RCSD1: variants seen among roughly 807,000 people sequenced by gnomAD.
RCSD1 encodes the protein capZ-interacting protein.
A neutral mutation model predicts 42.5 loss-of-function variants in RCSD1; 26 were observed. That is an observed-to-expected ratio of 0.61 (90% confidence interval 0.45 to 0.85). The LOEUF (loss-of-function observed/expected upper bound fraction) is 0.85, where lower values mean the gene tolerates loss of function less well. Ranked by LOEUF, RCSD1 falls within the 40% of genes least tolerant of loss-of-function variation. RCSD1 has a pLI of 0.00. For synonymous variants in RCSD1, 220 were observed against 212.2 expected (o/e 1.04, Z -0.32); for missense variants, 571 against 528.3 (o/e 1.08, Z -0.79).
At chr1:167,634,247 T>A (rs1351788265) in intron 1 of RCSD1, among the ~76,000 whole-genome samples, 1 of 152,340 alleles carries the variant, frequency 6.6e-6, no homozygotes, top group Non-Finnish European at 1.5e-5. Context: ...GAACTGGAAC[T>A]GTCAGCCTCC....
chr1:167,630,689 G>A, intron 1 of RCSD1: 1 of 182,696 alleles, frequency 5.5e-6, no homozygotes. Flanking sequence ...CTTTCCTAGA[G>A]GCCCGGGTAT....
At chr1:167,690,850 A>G (rs76454901) in intron 4 of RCSD1, among the ~76,000 whole-genome samples, 1,790 of 152,140 alleles carry the variant, frequency 0.012, 34 homozygotes, top group African/African-American at 0.042. Context: ...CAAATTTGTT[A>G]TTTGGGAAGT....
rs1659439380 is a variant in RCSD1, at chr1:167,694,086, C to T, written c.271-13C>T. On this transcript the variant is annotated splice_polypyrimidine_tract_variant and intron_variant, in intron 4 of 6. Transcript: ENST00000367854. ...CCTAGTCCTATTTGAAATTGTTCAT[C>T]TTTTCTTGACAGGCCAATTTAACCT... 3 of 1,613,680 alleles carry T rather than the reference C, an allele frequency of 1.9e-6. No homozygotes were observed. Among genetic ancestry groups the T allele is most frequent in the African/African-American group, 2.7e-5 (2 of 74,902 alleles).
rs1015727771 is a variant in RCSD1 at position 167,707,948 on chromosome 1, G to A, written c.*3252G>A. ...TGGCCTCTAGTGATCTGCCTGCCTC[G>A]GTCTCCCAAAGTGGGATTACAGGCA... On this transcript the variant is annotated 3_prime_UTR_variant, in exon 7 of 7. Coordinates refer to ENST00000367854, the MANE Select transcript of RCSD1 (RefSeq NM_052862.4). Among the ~76,000 whole-genome samples the A allele has an allele frequency of 1.3e-5, 2 of 152,072 alleles. No individual in the cohort carries two copies. Among genetic ancestry groups the A allele is most frequent in the South Asian group, 2.1e-4 (1 of 4,830 alleles).
At chr1:167,682,458 ATGTCCGGCC>A (rs1465922233) in intron 1 of RCSD1, among the ~76,000 whole-genome samples, 4 of 152,152 alleles carry the variant, frequency 2.6e-5, no homozygotes. Flanking sequence ...GTGAGCCACC[ATGTCCGGCC>A]TGTCAAAGCC....
intron 1 of RCSD1, among the ~76,000 whole-genome samples, chr1:167,642,353 C>G (rs1299764699): frequency 6.6e-6 from 1 of 152,116 alleles, no homozygotes; most frequent in African/African-American, 2.4e-5. Context: ...AGGGCTCATT[C>G]GCTTGAGTCT....
chr1:167,678,574 G>A (rs1659005475), intron 1 of RCSD1, among the ~76,000 whole-genome samples: 1 of 151,918 alleles, frequency 6.6e-6, no homozygotes, highest in Non-Finnish European at 1.5e-5. Flanking sequence ...GTTCACTCCC[G>A]CACCCAATCT....
At chr1:167,682,865 C>T (rs1378285795) in intron 1 of RCSD1, among the ~76,000 whole-genome samples, 4 of 152,242 alleles carry the variant, frequency 2.6e-5, no homozygotes, top group East Asian at 1.9e-4. Flanking sequence ...AGGGGGAGTT[C>T]GAAGTCTGTG....
chr1:167,691,948 C>T (rs1039566446), intron 4 of RCSD1, among the ~76,000 whole-genome samples: 3 of 152,154 alleles, frequency 2.0e-5, no homozygotes, highest in Admixed American at 6.5e-5. Flanking sequence ...GGGATGTAGC[C>T]CCAGACTCCT....
rs574842983 is a variant in RCSD1 at position 167,674,268 on chromosome 1, G to A, written c.7-9632G>A. ...TATAAGCCCTCCCAGTGGTGGGTTG[G>A]AAGAGACTGCTCAGATGTGTCTGCA... is the stretch of plus-strand genomic sequence containing the variant. On this transcript the variant is annotated intron_variant, in intron 1 of 6. Transcript: ENST00000367854. Among the ~76,000 whole-genome samples, 5 of 152,312 alleles carry A rather than the reference G, an allele frequency of 3.3e-5. No homozygotes were observed. The East Asian group carries it at 9.6e-4, about 29-fold the overall frequency.
At chr1:167,646,177 G>A (rs1016549485) in intron 1 of RCSD1, among the ~76,000 whole-genome samples, 2 of 152,126 alleles carry the variant, frequency 1.3e-5, no homozygotes, top group African/African-American at 2.4e-5. Context: ...TGGGGGTGCG[G>A]AAGAGGCTGA....
chr1:167,673,795 G>C (rs1658869623), intron 1 of RCSD1, among the ~76,000 whole-genome samples: 1 of 152,152 alleles, frequency 6.6e-6, no homozygotes, highest in Admixed American at 6.5e-5. Context: ...GCGTGTACCA[G>C]CCAGCCCCTG....
chr1:167,647,756 A>G (rs965814458), intron 1 of RCSD1, among the ~76,000 whole-genome samples: 22 of 152,000 alleles, frequency 1.4e-4, no homozygotes, highest in African/African-American at 5.3e-4. Flanking sequence ...AAACAAAACA[A>G]CGATAAGACC....
intron 6 of RCSD1, among the ~76,000 whole-genome samples, chr1:167,701,818 G>A (rs1186834393): frequency 1.3e-5 from 2 of 152,172 alleles, no homozygotes; most frequent in Admixed American, 6.5e-5. Context: ...GTCAAGGTCA[G>A]AATCAAAATG....
chr1:167,639,791 G>A (rs1191255180), intron 1 of RCSD1, among the ~76,000 whole-genome samples: 2 of 152,192 alleles, frequency 1.3e-5, no homozygotes, highest in Non-Finnish European at 2.9e-5. Context: ...ATGATGCCCG[G>A]CCCATTCTCA....
intron 4 of RCSD1, among the ~76,000 whole-genome samples, chr1:167,693,316 C>T (rs1417415930): frequency 6.6e-6 from 1 of 152,318 alleles, no homozygotes; most frequent in Admixed American, 6.5e-5. Context: ...TCCCCATGGA[C>T]GCCTTCGGGC....
intron 6 of RCSD1, among the ~76,000 whole-genome samples, chr1:167,700,089 G>C (rs1659602080): frequency 6.6e-6 from 1 of 152,134 alleles, no homozygotes; most frequent in Non-Finnish European, 1.5e-5. Flanking sequence ...GAACATAGTA[G>C]GTTCTTTAAA....
chr1:167,680,537 G>T (rs1659055895), intron 1 of RCSD1, among the ~76,000 whole-genome samples: 1 of 152,106 alleles, frequency 6.6e-6, no homozygotes. Flanking sequence ...CAGTGGTGCA[G>T]TGATGTGAGC....
At chr1:167,692,512 C>CT (rs551268292) in intron 4 of RCSD1, among the ~76,000 whole-genome samples, 13 of 148,090 alleles carry the variant, frequency 8.8e-5, no homozygotes, top group East Asian at 5.9e-4. Context: ...CCATATGCCG[C>CT]TTTTTTTTTT....
Sources: gnomAD v4.1 joint callset for allele counts (sites outside exome capture counted in the v4.1 genomes callset) on GRCh38, gnomAD v4.1.1 for gene constraint, MANE v1.5 for transcripts, NCBI Gene and HGNC (gene_info 2026-07-23, HGNC 2026-07-21) for gene names.